The following PTPRT variants were observed in gnomAD, a reference collection of about 807,000 sequenced individuals.
PTPRT encodes the protein protein tyrosine phosphatase receptor type T, also known as receptor-type tyrosine-protein phosphatase T.
Under a neutral mutation model 176.8 loss-of-function variants are expected in PTPRT, and 56 were observed. The ratio of observed to expected loss-of-function variants is 0.32; its 90% CI spans 0.26 to 0.40. The LOEUF is 0.40. Ranked by LOEUF, PTPRT falls within the 10% of genes least tolerant of loss-of-function variation. PTPRT has a pLI of 1.00. For missense variants in PTPRT, 1,540 were observed against 1,908.2 expected, an observed-to-expected ratio of 0.81 and a Z score of 3.60; for synonymous variants, 783 against 739.0, an observed-to-expected ratio of 1.06 and a Z score of -0.96.
chr20:42,159,940 C>G (rs1480400331), intron 17 of PTPRT, among the ~76,000 whole-genome samples: 1 of 152,116 alleles, frequency 6.6e-6, no homozygotes, highest in Non-Finnish European at 1.5e-5. Context: ...GTCTGCACCC[C>G]CAGTTTAGCA....
intron 1 of PTPRT, among the ~76,000 whole-genome samples, chr20:43,019,631 A>G (rs987505614): frequency 1.3e-5 from 2 of 151,724 alleles, no homozygotes; most frequent in African/African-American, 4.8e-5. Context: ...AAAAAAAAAA[A>G]AAAAAGAATA....
At chr20:42,188,236 CG>C (rs1568655612) in intron 16 of PTPRT, among the ~76,000 whole-genome samples, 1 of 152,132 alleles carries the variant, frequency 6.6e-6, no homozygotes, top group Non-Finnish European at 1.5e-5. Flanking sequence ...GGGCTAAGGC[CG>C]GGGACACTTC....
At chr20:42,343,543 G>T (rs1365757787) in intron 11 of PTPRT, among the ~76,000 whole-genome samples, 1 of 152,134 alleles carries the variant, frequency 6.6e-6, no homozygotes, top group Admixed American at 6.5e-5. Flanking sequence ...TCTTAACCCC[G>T]ACTGTGCTGG....
At chr20:42,761,192 T>G (rs968410168) in intron 5 of PTPRT, among the ~76,000 whole-genome samples, 1 of 151,630 alleles carries the variant, frequency 6.6e-6, no homozygotes, top group Admixed American at 6.6e-5. Context: ...CCCAGCACTT[T>G]GGGAGGCCCA....
chr20:42,065,150 A>G, the PTPRT span, among the ~76,000 whole-genome samples: 1 of 152,200 alleles, frequency 6.6e-6, no homozygotes, highest in Non-Finnish European at 1.5e-5. Context: ...TAACCACATG[A>G]AAGACCCTTC....
chr20:42,138,525 G>A (rs1465939711), intron 18 of PTPRT, among the ~76,000 whole-genome samples: 2 of 152,156 alleles, frequency 1.3e-5, no homozygotes. Flanking sequence ...ATCCCAGAAG[G>A]GGGCCTCATT....
intron 1 of PTPRT, among the ~76,000 whole-genome samples, chr20:43,152,780 A>G (rs1009178244): frequency 1.3e-5 from 2 of 152,242 alleles, no homozygotes; most frequent in African/African-American, 2.4e-5. Context: ...AGTAAAGGAT[A>G]TAAAACATGG....
intron 7 of PTPRT, among the ~76,000 whole-genome samples, chr20:42,554,321 G>A (rs1474018544): frequency 6.6e-6 from 1 of 152,084 alleles, no homozygotes; most frequent in Non-Finnish European, 1.5e-5. Context: ...TAAAACTTAA[G>A]CTTCGTGCAT....
At chr20:42,380,098 C>A (rs10485691) in intron 9 of PTPRT, among the ~76,000 whole-genome samples, 21,555 of 152,186 alleles carry the variant, frequency 0.14, 1,714 homozygotes, top group African/African-American at 0.21. Flanking sequence ...CCACTAAGAA[C>A]CTAAGCCCTA....
chr20:42,698,768 C>T (rs2075924924), intron 6 of PTPRT, among the ~76,000 whole-genome samples: 1 of 152,114 alleles, frequency 6.6e-6, no homozygotes, highest in African/African-American at 2.4e-5. Context: ...AGGTGATTCC[C>T]CAACCGCCCG....
intron 22 of PTPRT, 94 bp downstream of exon 22, chr20:42,115,105 C>T (rs73131125): frequency 0.027 from 24,559 of 896,386 alleles, 474 homozygotes; most frequent in Middle Eastern, 0.04. Flanking sequence ...TGGGGCTGGA[C>T]GTAGAGCAGA....
chr20:42,631,594 G>C (rs908821482), intron 7 of PTPRT, among the ~76,000 whole-genome samples: 2 of 152,182 alleles, frequency 1.3e-5, no homozygotes, highest in Admixed American at 6.5e-5. Context: ...TAACCTGCTG[G>C]GGAGCTCTAA....
chr20:42,112,790 T>C (rs74957045), intron 22 of PTPRT, among the ~76,000 whole-genome samples: 1 of 151,976 alleles, frequency 6.6e-6, no homozygotes, highest in African/African-American at 2.4e-5. Flanking sequence ...CAAACTAACA[T>C]AGGGGCAGGA....
chr20:42,937,682 A>G (rs527375160), intron 1 of PTPRT, among the ~76,000 whole-genome samples: 18 of 152,360 alleles, frequency 1.2e-4, no homozygotes, highest in African/African-American at 3.8e-4. Flanking sequence ...TTTGACACTG[A>G]TGAGAAGAGT....
intron 4 of PTPRT, among the ~76,000 whole-genome samples, chr20:42,775,285 C>T (rs1034040212): frequency 1.3e-5 from 2 of 152,188 alleles, no homozygotes; most frequent in African/African-American, 4.8e-5. Flanking sequence ...GCTCTTTAAA[C>T]CTGACAGTGC....
chr20:42,122,004 G>C (rs1987616297), intron 19 of PTPRT, among the ~76,000 whole-genome samples: 1 of 152,092 alleles, frequency 6.6e-6, no homozygotes, highest in African/African-American at 2.4e-5. Flanking sequence ...CGTAGACATT[G>C]GTGACTCAGA....
At chr20:42,970,744 G>A (rs892462601) in intron 1 of PTPRT, 1 of 152,194 alleles carries the variant, frequency 6.6e-6, no homozygotes, top group Admixed American at 6.5e-5. Context: ...TACCATTGAT[G>A]TGTACTTATA....
intron 1 of PTPRT, among the ~76,000 whole-genome samples, chr20:42,890,746 G>A (rs2079178518): frequency 6.6e-6 from 1 of 152,198 alleles, no homozygotes; most frequent in Non-Finnish European, 1.5e-5. Context: ...GTTTATGGCA[G>A]CTTAGGGGAG....
At chr20:42,232,042 T>C (rs2056144850) in intron 15 of PTPRT, among the ~76,000 whole-genome samples, 1 of 152,226 alleles carries the variant, frequency 6.6e-6, no homozygotes, top group African/African-American at 2.4e-5. Context: ...TTGTTATATA[T>C]GTTGTTTACT....
Sources: gnomAD v4.1 joint callset for allele counts (sites outside exome capture counted in the v4.1 genomes callset) on GRCh38, gnomAD v4.1.1 for gene constraint, MANE v1.5 for transcripts, NCBI Gene and HGNC (gene_info 2026-07-23, HGNC 2026-07-21) for gene names.